Variants in CFAP44 observed in about 807,000 individuals in gnomAD.
CFAP44 encodes the protein cilia- and flagella-associated protein 44.
CFAP44 carries 134 observed loss-of-function variants against 216.2 expected under a neutral mutation model. The ratio of observed to expected loss-of-function variants is 0.62; its 90% CI spans 0.54 to 0.72. CFAP44 has a LOEUF of 0.72. Among genes scored for constraint, CFAP44 ranks in the 30% least tolerant of loss-of-function variants. The probability of loss-of-function intolerance (pLI) is 0.00; values close to 1 mark genes in which losing one functional copy is unlikely to be tolerated. For missense variants in CFAP44, 2,035 were observed against 2,182.1 expected (o/e 0.93, Z 1.34); for synonymous variants, 700 against 727.6 (o/e 0.96, Z 0.61).
chr3:113,409,456 A>AAAAAC (rs1441689131), intron 6 of CFAP44, 134 bp from the exon 7 acceptor site: 1 of 731,384 alleles, frequency 1.4e-6, no homozygotes, highest in African/African-American at 1.8e-5. Flanking sequence ...GAACAATTCC[A>AAAAAC]AAAACATTCT....
chr3:113,319,076 C>G (rs1056601502), intron 28 of CFAP44, among the ~76,000 whole-genome samples: 4 of 151,928 alleles, frequency 2.6e-5, no homozygotes, highest in Admixed American at 2.6e-4. Flanking sequence ...GATCAAAAAT[C>G]ACACGTATCA....
intron 25 of CFAP44, among the ~76,000 whole-genome samples, chr3:113,331,112 A>G (rs886164469): frequency 6.6e-6 from 1 of 152,188 alleles, no homozygotes; most frequent in Non-Finnish European, 1.5e-5. Flanking sequence ...CCCAAACTAC[A>G]GGTTAGCCTA....
intron 5 of CFAP44, among the ~76,000 whole-genome samples, chr3:113,419,306 T>G (rs958169365): frequency 6.6e-6 from 1 of 152,126 alleles, no homozygotes; most frequent in African/African-American, 2.4e-5. Flanking sequence ...TTTTTTTCTT[T>G]TTACAAATAT....
rs891456501 is a variant in CFAP44 at position 113,305,209 on chromosome 3, A to C, written c.4759-57T>G. 5.6e-6 allele frequency: 8 copies of C among 1,432,102 alleles called. No homozygotes were observed. In the East Asian group the frequency reaches 1.7e-4, roughly 31 times the overall value. The allele number at this position is 1,432,102 out of a possible 1,614,324, so 88.7% of individuals were successfully genotyped here. On this transcript the variant is annotated intron_variant, in intron 30 of 34. Transcript: ENST00000393845. Reference sequence around the variant, plus strand: ...CAAGACTCAATAAACATACATCTAAAGATGGTGAATGAAGGCATCTTGGGA... The same window carrying C: ...CAAGACTCAATAAACATACATCTAACGATGGTGAATGAAGGCATCTTGGGA...
At position 113,409,202 on chromosome 3, in the gene CFAP44, A is replaced by G; in HGVS notation, c.794T>C (p.Ile265Thr). ...TIWNWKEEQP[I>T]LRTKAFSQEV... ...CTGAGAAAAAGCTTTTGTCCTTAGTATGGGTTGTTCTTCTTTCCAGTTCCA... is the reference window on the plus strand; with the variant it reads ...CTGAGAAAAAGCTTTTGTCCTTAGTGTGGGTTGTTCTTCTTTCCAGTTCCA... Residue 265 changes from isoleucine (I) to threonine (T), a missense_variant, in exon 7 of 35, where the codon ATA becomes ACA. By Grantham distance (89) the Ile-to-Thr change is moderately conservative (BLOSUM62 -1). This residue lies in a region of CFAP44 where 1,883 missense variants were observed against 2,023.7 expected (regional missense o/e 0.93). Transcript: ENST00000393845. 6.2e-7 allele frequency: 1 copy of G among 1,614,068 alleles called. No homozygotes were observed. Among genetic ancestry groups the G allele is most frequent in the Non-Finnish European group, 8.5e-7 (1 of 1,180,008 alleles).
At chr3:113,354,187 C>G (rs1950473363) in intron 22 of CFAP44, among the ~76,000 whole-genome samples, 2 of 152,010 alleles carry the variant, frequency 1.3e-5, no homozygotes, top group South Asian at 2.1e-4. Context: ...AGATAGGAGG[C>G]AGGATTAGCT....
At chr3:113,437,804 GTTTGT>G (rs1283267280) in intron 1 of CFAP44, among the ~76,000 whole-genome samples, 1 of 151,670 alleles carries the variant, frequency 6.6e-6, no homozygotes, top group Non-Finnish European at 1.5e-5. Context: ...TTGTTTGTTT[GTTTGT>G]TTTGTTTTAA....
chr3:113,350,136 T>A (rs1288358453), intron 22 of CFAP44, among the ~76,000 whole-genome samples: 1 of 150,988 alleles, frequency 6.6e-6, no homozygotes, highest in Admixed American at 6.6e-5. Flanking sequence ...AACAGCAGCA[T>A]AAGCGGCTGG....
intron 9 of CFAP44, 43 bp downstream of exon 9, chr3:113,403,809 T>C (rs1303081822): frequency 5.0e-6 from 8 of 1,586,628 alleles, no homozygotes; most frequent in Non-Finnish European, 6.9e-6. Context: ...GAGCTACAAG[T>C]CTTAAACGTG....
chr3:113,369,776 A>G (rs561769324), intron 18 of CFAP44, among the ~76,000 whole-genome samples: 13 of 152,232 alleles, frequency 8.5e-5, no homozygotes, highest in Admixed American at 2.0e-4. Context: ...TCAAAAAATC[A>G]ATGAATCCAG....
At chr3:113,395,721 A>C in intron 15 of CFAP44, 29 bp downstream of exon 15, 1 of 1,561,188 alleles carries the variant, frequency 6.4e-7, no homozygotes, top group Non-Finnish European at 8.7e-7. Context: ...ATTGAGATTC[A>C]AACAGGAAGA....
intron 15 of CFAP44, among the ~76,000 whole-genome samples, chr3:113,387,513 G>A (rs745892193): frequency 3.6e-4 from 55 of 152,016 alleles, no homozygotes; most frequent in Non-Finnish European, 5.9e-4. Context: ...ACTAAAGAGC[G>A]CTTGGGCCCC....
chr3:113,337,237 G>T (rs1950288904), intron 24 of CFAP44, among the ~76,000 whole-genome samples: 1 of 151,736 alleles, frequency 6.6e-6, no homozygotes, highest in South Asian at 2.1e-4. Context: ...ATGCATATGT[G>T]CAAATCTAAC....
intron 6 of CFAP44, among the ~76,000 whole-genome samples, chr3:113,413,637 C>T (rs571661437): frequency 9.5e-4 from 145 of 152,278 alleles, no homozygotes; most frequent in Non-Finnish European, 1.6e-3. Context: ...ATCCTTTCCC[C>T]GTTGCTTGTT....
chr3:113,303,074 TCTGATAATATCAA>T, intron 32 of CFAP44, among the ~76,000 whole-genome samples: 1 of 152,228 alleles, frequency 6.6e-6, no homozygotes, highest in Non-Finnish European at 1.5e-5. Flanking sequence ...AATATTAAAG[TCTGATAATATCAA>T]CTGTTGATGA....
At chr3:113,346,639 G>C (rs889409369) in intron 22 of CFAP44, among the ~76,000 whole-genome samples, 2 of 150,854 alleles carry the variant, frequency 1.3e-5, no homozygotes, top group Admixed American at 6.6e-5. Context: ...ACCAATCAGC[G>C]CTCTGTGTCT....
chr3:113,373,604 A>T (rs1933243763), intron 17 of CFAP44, 48 bp from the exon 18 acceptor site: 1 of 1,393,324 alleles, frequency 7.2e-7, no homozygotes, highest in Non-Finnish European at 9.4e-7. Context: ...AATATAACAC[A>T]CATAAATGCA....
Position 113,433,656 on chromosome 3 carries a change from T to A in CFAP44, c.9A>T (p.Glu3Asp). Residue 3 changes from glutamate to aspartate, a missense_variant, in exon 2 of 35, where the codon GAA (glutamate) becomes GAT (aspartate). Physicochemically the swap from Glu to Asp is conservative, Grantham distance 45 (BLOSUM62 2). Transcript: ENST00000393845. ...CCCCATCAGTATCCTGATCATCTGG[T>A]TCCTTCATTTCCTCTGTAAGTACAA... is the stretch of plus-strand genomic sequence containing the variant. MK[E>D]PDDQDTDGEK... 6.2e-7 allele frequency: 1 copy of A among 1,612,518 alleles called. No individual in the cohort carries two copies. The highest frequency in any genetic ancestry group is 8.5e-7 in the Non-Finnish European group (1 of 1,179,424).
Position 113,363,524 on chromosome 3 carries a change from A to G in CFAP44, c.2724T>C (p.Ile908=). The G allele has an allele frequency of 6.2e-7, 1 of 1,609,268 alleles. No individual in the cohort carries two copies. Among genetic ancestry groups the G allele is most frequent in the Non-Finnish European group, 8.5e-7 (1 of 1,177,924 alleles). Residue 908 remains isoleucine (I), a synonymous_variant, in exon 20 of 35, where the codon ATT becomes ATC. Transcript: ENST00000393845. ...KAKVPSPRFG[I]ETEPIPEDIE... Reference sequence around the variant, plus strand: ...TGTCTTCTGGAATTGGCTCTGTTTCAATTCCAAACTATAGGAAGGGAAGTA... The same window carrying G: ...TGTCTTCTGGAATTGGCTCTGTTTCGATTCCAAACTATAGGAAGGGAAGTA...
Sources: allele counts gnomAD v4.1 joint callset (sites outside exome capture counted in the v4.1 genomes callset), GRCh38; gene constraint gnomAD v4.1.1; regional missense constraint gnomAD v4.1.1; transcripts MANE v1.5; gene names NCBI Gene and HGNC (gene_info 2026-07-23, HGNC 2026-07-21).